Variants in GRM8 observed in about 807,000 individuals in gnomAD.
GRM8 encodes the protein metabotropic glutamate receptor 8.
Under a neutral mutation model 87.2 loss-of-function variants are expected in GRM8, and 47 were observed. That is an observed-to-expected ratio of 0.54 (90% confidence interval 0.43 to 0.69). The LOEUF is 0.69. GRM8 is among the 30% of genes least tolerant of loss of function. GRM8 has a pLI of 0.00. For missense variants in GRM8, 1,019 were observed against 1,139.2 expected (o/e 0.89, Z 1.52); for synonymous variants, 396 against 404.5 (o/e 0.98, Z 0.25).
intron 3 of GRM8, chr7:127,105,512 CT>C (rs757511610): frequency 3.7e-4 from 57 of 152,208 alleles, no homozygotes; most frequent in Admixed American, 3.7e-3. Context: ...TAACATCAGA[CT>C]TTTTGTCCTT....
At chr7:126,613,531 C>T (rs554398688) in intron 7 of GRM8, among the ~76,000 whole-genome samples, 7 of 152,190 alleles carry the variant, frequency 4.6e-5, no homozygotes, top group African/African-American at 1.7e-4. Context: ...ACAGTGTGGA[C>T]AGGACAGTGG....
chr7:126,848,647 T>A (rs1245815786), intron 6 of GRM8, among the ~76,000 whole-genome samples: 2 of 151,808 alleles, frequency 1.3e-5, no homozygotes, highest in African/African-American at 4.8e-5. Flanking sequence ...ATGGCGAAAC[T>A]CAATCTCTAC....
chr7:126,597,625 T>C (rs1017839840), intron 8 of GRM8, among the ~76,000 whole-genome samples: 2 of 152,124 alleles, frequency 1.3e-5, no homozygotes, highest in Non-Finnish European at 2.9e-5. Flanking sequence ...TTTTCATTTT[T>C]ATTACTTTAT....
chr7:126,482,548 A>T (rs1358894153), intron 9 of GRM8, among the ~76,000 whole-genome samples: 1 of 148,180 alleles, frequency 6.7e-6, no homozygotes. Flanking sequence ...AGCAAGTCAC[A>T]AAAAAGACAA....
At chr7:127,161,320 A>G (rs566100689) in intron 2 of GRM8, among the ~76,000 whole-genome samples, 56 of 152,286 alleles carry the variant, frequency 3.7e-4, no homozygotes, top group Middle Eastern at 3.4e-3. Context: ...TGCACAAAAG[A>G]GGAAGCTGAT....
At chr7:126,515,205 A>G (rs183861795) in intron 9 of GRM8, among the ~76,000 whole-genome samples, 166 of 152,212 alleles carry the variant, frequency 1.1e-3, no homozygotes, top group African/African-American at 3.9e-3. Context: ...AAAGTTATAT[A>G]TCTTCATTTA....
At chr7:127,196,257 C>T (rs1351847663) in intron 2 of GRM8, among the ~76,000 whole-genome samples, 1 of 152,130 alleles carries the variant, frequency 6.6e-6, no homozygotes, top group Non-Finnish European at 1.5e-5. Flanking sequence ...GTGGCTCATG[C>T]CTATAATCCC....
At chr7:126,992,816 T>C (rs1024469997) in intron 3 of GRM8, among the ~76,000 whole-genome samples, 6 of 150,814 alleles carry the variant, frequency 4.0e-5, no homozygotes, top group African/African-American at 1.5e-4. Context: ...CGTGTGTGTG[T>C]GTGTGTGTGT....
intron 8 of GRM8, among the ~76,000 whole-genome samples, chr7:126,558,920 A>G (rs1793416418): frequency 6.6e-6 from 1 of 152,186 alleles, no homozygotes; most frequent in Admixed American, 6.5e-5. Context: ...GGAATAGTTT[A>G]GGAATCAGGA....
intron 3 of GRM8, among the ~76,000 whole-genome samples, chr7:127,031,915 G>A (rs2132309084): frequency 6.6e-6 from 1 of 152,182 alleles, no homozygotes; most frequent in Non-Finnish European, 1.5e-5. Context: ...GTCTGGGGCA[G>A]TGACAGTGCC....
chr7:127,130,492 C>T (rs894309339), intron 2 of GRM8, among the ~76,000 whole-genome samples: 1 of 152,178 alleles, frequency 6.6e-6, no homozygotes. Flanking sequence ...TTATTGAGAA[C>T]TGGAGTACAG....
intron 9 of GRM8, among the ~76,000 whole-genome samples, chr7:126,481,450 T>A (rs1193592333): frequency 6.6e-6 from 1 of 152,068 alleles, no homozygotes; most frequent in Non-Finnish European, 1.5e-5. Flanking sequence ...CATTCACATG[T>A]AATAAAACAT....
chr7:126,921,422 A>C lies in GRM8; in HGVS notation c.728-16739T>G, dbSNP rs1804522431. Among the ~76,000 whole-genome samples, 10 of 152,284 alleles carry C rather than the reference A, an allele frequency of 6.6e-5. No homozygotes were observed. The South Asian group carries it at 2.1e-3, about 32-fold the overall frequency. On this transcript the variant is annotated intron_variant, in intron 3 of 10. Transcript: ENST00000339582. ...AAAGAGAAAATAGAGGCCATTACCA[A>C]AGAAAAATTTAAGAATATTTCTCAG...
chr7:126,479,320 T>C (rs1806377161), intron 9 of GRM8, among the ~76,000 whole-genome samples: 1 of 152,108 alleles, frequency 6.6e-6, no homozygotes, highest in African/African-American at 2.4e-5. Flanking sequence ...TTTGCAACCA[T>C]AAATGTAATC....
At chr7:126,776,763 ATC>A (rs1411483239) in intron 6 of GRM8, among the ~76,000 whole-genome samples, 4 of 152,116 alleles carry the variant, frequency 2.6e-5, no homozygotes, top group African/African-American at 9.7e-5. Context: ...GCAAAACATG[ATC>A]TCTCTGGCTT....
chr7:127,222,393 G>A (rs1301396070), intron 2 of GRM8, among the ~76,000 whole-genome samples: 2 of 152,140 alleles, frequency 1.3e-5, no homozygotes, highest in Non-Finnish European at 2.9e-5. Context: ...GGGTGACAGG[G>A]TAATACCCTG....
intron 2 of GRM8, among the ~76,000 whole-genome samples, chr7:127,226,015 T>C (rs2116762387): frequency 6.6e-6 from 1 of 152,366 alleles, no homozygotes; most frequent in African/African-American, 2.4e-5. Context: ...AGGGTATTTG[T>C]ACATTACATG....
chr7:126,463,377 G>A (rs1804114945), intron 9 of GRM8, among the ~76,000 whole-genome samples: 1 of 151,536 alleles, frequency 6.6e-6, no homozygotes, highest in Non-Finnish European at 1.5e-5. Context: ...TCTGACTAAG[G>A]AACAAGTGAA....
chr7:126,874,420 G>T (rs550676759), intron 6 of GRM8, among the ~76,000 whole-genome samples: 1 of 152,082 alleles, frequency 6.6e-6, no homozygotes, highest in Non-Finnish European at 1.5e-5. Flanking sequence ...ACTGTGACTT[G>T]TTCCAGATCA....
Sources: gnomAD v4.1 joint callset for allele counts (sites outside exome capture counted in the v4.1 genomes callset) on GRCh38, gnomAD v4.1.1 for gene constraint, MANE v1.5 for transcripts, NCBI Gene and HGNC (gene_info 2026-07-23, HGNC 2026-07-21) for gene names.